R3HDM1: variants seen among roughly 807,000 people sequenced by gnomAD.
R3HDM1 encodes R3H domain-containing protein 1.
Under a neutral mutation model 141.1 loss-of-function variants are expected in R3HDM1, and 46 were observed. That is an observed-to-expected ratio of 0.33 (90% CI 0.26 to 0.42). The LOEUF (loss-of-function observed/expected upper bound fraction) is 0.42. Ranked by LOEUF, R3HDM1 falls within the 10% of genes least tolerant of loss-of-function variation. The pLI is 1.00. For missense variants in R3HDM1, 1,184 were observed against 1,368.3 expected, an observed-to-expected ratio of 0.87 and a Z score of 2.12; for synonymous variants, 435 against 472.9, an observed-to-expected ratio of 0.92 and a Z score of 1.04.
chr2:135,633,403 A>G (rs909924342), intron 9 of R3HDM1, among the ~76,000 whole-genome samples: 1 of 152,188 alleles, frequency 6.6e-6, no homozygotes, highest in African/African-American at 2.4e-5. Flanking sequence ...GTGACTCTCT[A>G]AGGTTTTCAA....
At position 135,632,348 on chromosome 2, in the gene R3HDM1, CAA is replaced by C. The variant is rs1491365950; in HGVS notation, c.698+348_698+349del. ...AAATTTAAAAAAAAAAAAAAAAACA[CAA>C]GAGAGAGAGCAGACTTTGTCCGTGA... On this transcript the variant is annotated intron_variant, in intron 9 of 26. Transcript: ENST00000683871. Among the ~76,000 whole-genome samples the C allele has an allele frequency of 8.1e-5, 12 of 148,698 alleles. No individual in the cohort carries two copies. The South Asian group carries it at 1.3e-3, about 16-fold the overall frequency.
chr2:135,697,039 G>A (rs1408168820), intron 21 of R3HDM1, among the ~76,000 whole-genome samples: 1 of 152,124 alleles, frequency 6.6e-6, no homozygotes, highest in Non-Finnish European at 1.5e-5. Context: ...CTTTCAGCCA[G>A]AGGTGAGAGA....
intron 1 of R3HDM1, among the ~76,000 whole-genome samples, chr2:135,573,346 G>A (rs1301645530): frequency 6.6e-6 from 1 of 152,016 alleles, no homozygotes; most frequent in Non-Finnish European, 1.5e-5. Context: ...CAGTATAACT[G>A]TAACTAAAAA....
At chr2:135,630,183 A>G (rs1340848581) in intron 7 of R3HDM1, among the ~76,000 whole-genome samples, 1 of 146,782 alleles carries the variant, frequency 6.8e-6, no homozygotes, top group Non-Finnish European at 1.5e-5. Flanking sequence ...AGGCTGAGGC[A>G]GGAGAATTGC....
chr2:135,539,144 C>T (rs1696898912), intron 1 of R3HDM1, among the ~76,000 whole-genome samples: 1 of 152,004 alleles, frequency 6.6e-6, no homozygotes, highest in African/African-American at 2.4e-5. Flanking sequence ...TCTTCAAGGA[C>T]CTCCCTGAGC....
chr2:135,645,264 T>G lies in R3HDM1; in HGVS notation c.1475-115T>G, dbSNP rs77251379. 1.1e-3 allele frequency: 922 copies of G among 857,282 alleles called. 7 individuals carry two copies. In the African/African-American group the frequency reaches 0.014, roughly 13 times the overall value. The allele number at this position is 857,282 out of a possible 1,614,324, so 53.1% of individuals were successfully genotyped here. A position where few individuals can be genotyped will look rare whatever the true frequency, so the allele number is the denominator to read the frequency against. On this transcript the variant is annotated intron_variant, in intron 15 of 26. Transcript: ENST00000683871. ...AAATCTTTGTTTTCAAATATTAGGG[T>G]TTTTTTTTAATTGTGGTTAAAGGAT... is the stretch of plus-strand genomic sequence containing the variant.
intron 1 of R3HDM1, among the ~76,000 whole-genome samples, chr2:135,551,175 G>C (rs769743189): frequency 2.0e-5 from 3 of 152,122 alleles, no homozygotes; most frequent in Non-Finnish European, 4.4e-5. Context: ...CCATTCTATC[G>C]TTAACACTTT....
At chr2:135,638,716 A>G in intron 12 of R3HDM1, 23 bp from the exon 13 acceptor site, 1 of 1,613,768 alleles carries the variant, frequency 6.2e-7, no homozygotes. Context: ...AAAAATTAAA[A>G]TGTCCTATTA....
At chr2:135,589,148 C>G (rs1269678374) in intron 1 of R3HDM1, among the ~76,000 whole-genome samples, 1 of 152,062 alleles carries the variant, frequency 6.6e-6, no homozygotes, top group South Asian at 2.1e-4. Context: ...TTGATTCAAG[C>G]ATAGTATATA....
chr2:135,669,826 T>A (rs144004031), intron 19 of R3HDM1, among the ~76,000 whole-genome samples: 1 of 152,168 alleles, frequency 6.6e-6, no homozygotes, highest in Non-Finnish European at 1.5e-5. Context: ...TAAATATCAT[T>A]TGAGGCTTAG....
chr2:135,603,176 G>T (rs137967411), intron 2 of R3HDM1, among the ~76,000 whole-genome samples: 242 of 152,218 alleles, frequency 1.6e-3, no homozygotes, highest in African/African-American at 4.6e-3. Context: ...TTTTAATAGA[G>T]ATGGGGTTTC....
rs376153812 is a variant in R3HDM1 at position 135,588,199 on chromosome 2, A to G, written c.-249-14301A>G. ...TGTGTCTTGGTCTCTTCCTGTCCCT[A>G]TCTGTTAGTCTCTGTCCATCATTCC... On this transcript the variant is annotated intron_variant, in intron 1 of 26. Coordinates refer to ENST00000683871, the MANE Select transcript of R3HDM1 (RefSeq NM_001378107.1). Among the ~76,000 whole-genome samples the G allele has an allele frequency of 2.8e-4, 42 of 150,506 alleles. No homozygotes were observed. In the South Asian group the frequency reaches 8.2e-3, roughly 29 times the overall value.
chr2:135,638,277 T>TC (rs1203420453), intron 11 of R3HDM1, among the ~76,000 whole-genome samples: 1 of 152,222 alleles, frequency 6.6e-6, no homozygotes, highest in East Asian at 1.9e-4. Context: ...GCACAGGTGA[T>TC]CAAATATTTG....
chr2:135,575,293 C>T (rs914014394), intron 1 of R3HDM1, among the ~76,000 whole-genome samples: 4 of 152,238 alleles, frequency 2.6e-5, no homozygotes, highest in South Asian at 4.1e-4. Context: ...AGCAATTCTT[C>T]TGCCTCAGCC....
chr2:135,572,502 G>A (rs2104999704), intron 1 of R3HDM1, among the ~76,000 whole-genome samples: 1 of 152,298 alleles, frequency 6.6e-6, no homozygotes, highest in East Asian at 1.9e-4. Context: ...ACAACTTCAT[G>A]CCCACTAGGA....
At chr2:135,701,416 G>T (rs2074187904) in intron 21 of R3HDM1, among the ~76,000 whole-genome samples, 1 of 151,884 alleles carries the variant, frequency 6.6e-6, no homozygotes, top group African/African-American at 2.4e-5. Context: ...TAATAATAAA[G>T]TAAATATATA....
intron 1 of R3HDM1, among the ~76,000 whole-genome samples, chr2:135,578,806 T>C (rs1706098251): frequency 2.0e-5 from 3 of 152,214 alleles, no homozygotes. Flanking sequence ...AATAAGTGAA[T>C]ATATTGTAGA....
intron 1 of R3HDM1, among the ~76,000 whole-genome samples, chr2:135,559,892 G>T (rs1701472594): frequency 1.3e-5 from 2 of 152,202 alleles, no homozygotes; most frequent in South Asian, 4.1e-4. Flanking sequence ...AGGAAAAAGA[G>T]ATACACTCTT....
intron 1 of R3HDM1, among the ~76,000 whole-genome samples, chr2:135,535,764 T>A (rs1695964508): frequency 6.6e-6 from 1 of 152,304 alleles, no homozygotes; most frequent in South Asian, 2.1e-4. Flanking sequence ...CATTTGCTTG[T>A]ACCTAATGAG....
Sources: allele counts gnomAD v4.1 joint callset (sites outside exome capture counted in the v4.1 genomes callset), GRCh38; gene constraint gnomAD v4.1.1; transcripts MANE v1.5; gene names NCBI Gene and HGNC (gene_info 2026-07-23, HGNC 2026-07-21).